ARFRP1: variants seen among roughly 807,000 people sequenced by gnomAD.
ARFRP1 encodes the protein ARF related protein 1, also known as ADP-ribosylation factor-related protein 1.
ARFRP1 carries 19 observed loss-of-function variants against 30.3 expected under a neutral mutation model. The ratio of observed to expected loss-of-function variants is 0.63; its 90% CI spans 0.44 to 0.92. The LOEUF is 0.92. ARFRP1 is among the 40% of genes least tolerant of loss of function. The pLI, the probability that ARFRP1 is intolerant of heterozygous loss-of-function variation, is 0.00. For synonymous variants in ARFRP1, 133 were observed against 114.2 expected (o/e 1.16, Z -1.05); for missense variants, 245 against 267.5 (o/e 0.92, Z 0.59).
chr20:63,707,109 A>T lies in ARFRP1; in HGVS notation c.-6-12T>A. The T allele has an allele frequency of 6.3e-7, 1 of 1,591,070 alleles. No homozygotes were observed. The highest frequency in any genetic ancestry group is 8.6e-7 in the Non-Finnish European group (1 of 1,169,046). ...GTGTACATCCTGCCCTGGGCACCCC[A>T]ACATAGGTCAGTGTGCAGCCAGAAA... On this transcript the variant is annotated splice_polypyrimidine_tract_variant and intron_variant, in intron 1 of 7. Transcript: ENST00000622789.
rs1276810358 is a variant in ARFRP1 at position 63,702,268 on chromosome 20, C to T, written c.265-51G>A. ...GCTCAGTCCCCACCCTGCCAAGGGC[C>T]AGCAGAGCCAGGCCTGTGTCATGGC... On this transcript the variant is annotated intron_variant, in intron 4 of 7. Coordinates refer to ENST00000622789, the MANE Select transcript of ARFRP1 (RefSeq NM_001267547.3). 31 of 1,540,678 alleles carry T rather than the reference C, an allele frequency of 2.0e-5. 1 individual carries two copies. The Admixed American group carries it at 4.9e-4, about 24-fold the overall frequency.
At chr20:63,706,924 G>T in intron 2 of ARFRP1, 75 bp downstream of exon 2, 4 of 1,549,194 alleles carry the variant, frequency 2.6e-6, no homozygotes, top group Non-Finnish European at 3.5e-6. Flanking sequence ...TAGTGAACGT[G>T]CAGCTGACAG....
In ARFRP1 at chr20:63,701,890, C is replaced by G. The variant is rs763284039; in HGVS notation, c.357G>C (p.Val119=). ...AESKQAFEKV[V]TSEALCGVPV... is the part of the protein sequence containing the mutation. ...GGACACCGCACAGCGCCTCGCTGGT[C>G]ACCACCTTCTCTGGGGAGGGCAGGA... Residue 119 remains valine, a synonymous_variant, in exon 6 of 8, where the codon GTG becomes GTC. Coordinates refer to ENST00000622789, the MANE Select transcript of ARFRP1 (RefSeq NM_001267547.3). 1.3e-6 allele frequency: 2 copies of G among 1,550,134 alleles called. No homozygotes were observed. Among genetic ancestry groups the G allele is most frequent in the South Asian group, 2.4e-5 (2 of 84,090 alleles).
intron 4 of ARFRP1, chr20:63,702,504 A>C: frequency 2.4e-6 from 1 of 419,918 alleles, no homozygotes; most frequent in Non-Finnish European, 4.4e-6. Context: ...TATTATCCCA[A>C]CACTTTGGGA....
At chr20:63,700,883 A>AGC in intron 6 of ARFRP1, 181 bp from the exon 7 acceptor site, 2 of 800,480 alleles carry the variant, frequency 2.5e-6, no homozygotes, top group Non-Finnish European at 3.9e-6. Flanking sequence ...CCCGAGGCTG[A>AGC]ACATGGCTGG....
chr20:63,703,532 CCACA>C (rs1194010386), intron 4 of ARFRP1: 3 of 152,406 alleles, frequency 2.0e-5, no homozygotes, highest in African/African-American at 4.8e-5. Context: ...CAGACAGGTC[CCACA>C]CAGAGGCCGC....
rs368206830 is a variant in ARFRP1, at chr20:63,701,819, G to A, written c.417+11C>T. On this transcript the variant is annotated intron_variant, in intron 6 of 7. Coordinates refer to ENST00000622789, the MANE Select transcript of ARFRP1 (RefSeq NM_001267547.3). ...CGGGAAGCTGCTGCGGGAGGCAGGG[G>A]TGGGGCTCACCTCCACATCCTGCTT... 3.4e-4 allele frequency: 529 copies of A among 1,549,746 alleles called. 3 individuals are homozygous for A. The highest frequency in any genetic ancestry group is 5.8e-5 in the Non-Finnish European group (67 of 1,146,762).
chr20:63,707,150 C>T (rs1371266947), intron 1 of ARFRP1, 53 bp from the exon 2 acceptor site: 19 of 1,497,718 alleles, frequency 1.3e-5, no homozygotes, highest in Non-Finnish European at 8.2e-6. Context: ...TCCCCTCCCC[C>T]GGGCTTCTCC....
rs370693784 is a variant in ARFRP1 at position 63,706,438 on chromosome 20, G to A, written c.183C>T (p.Ile61=). ...SKITTTVGLN[I]GTVDVGKARL... is the part of the protein sequence containing the mutation. ...GAGCCTTTCCCACATCCACAGTGCC[G>A]ACTGGGGAGAGGAGGAAACAGGCAA... Residue 61 remains isoleucine, a splice_region_variant and synonymous_variant, in exon 4 of 8, where the codon ATC becomes ATT. Coordinates refer to ENST00000622789, the MANE Select transcript of ARFRP1 (RefSeq NM_001267547.3). The A allele has an allele frequency of 1.5e-5, 25 of 1,613,048 alleles. No individual in the cohort carries two copies. The South Asian group carries it at 2.1e-4, about 13-fold the overall frequency.
chr20:63,705,494 G>C (rs1039337600), intron 4 of ARFRP1: 19 of 429,976 alleles, frequency 4.4e-5, no homozygotes, highest in Non-Finnish European at 7.4e-5. Context: ...TGCAGCCTTG[G>C]GGGTGTGGGG....
chr20:63,706,924 G>A, intron 2 of ARFRP1, 75 bp downstream of exon 2: 2 of 1,549,196 alleles, frequency 1.3e-6, no homozygotes, highest in Non-Finnish European at 1.8e-6. Flanking sequence ...TAGTGAACGT[G>A]CAGCTGACAG....
At position 63,700,380 on chromosome 20, in the gene ARFRP1, C is replaced by A; in HGVS notation, c.*63G>T. 1 of 1,595,330 alleles carries A rather than the reference C, an allele frequency of 6.3e-7. No individual in the cohort carries two copies. The highest frequency in any genetic ancestry group is 1.1e-5 in the South Asian group (1 of 90,466). ...ACCCCCCAGATCAGCAGCATGGGAG[C>A]CAACAGGAGGCCACTCCTCCAGCAC... On this transcript the variant is annotated 3_prime_UTR_variant, in exon 8 of 8. Coordinates refer to ENST00000622789, the MANE Select transcript of ARFRP1 (RefSeq NM_001267547.3).
intron 4 of ARFRP1, chr20:63,705,850 G>A: frequency 4.2e-6 from 2 of 470,884 alleles, no homozygotes; most frequent in South Asian, 3.2e-5. Flanking sequence ...TTGCCCTTAG[G>A]CTCAAACCCA....
chr20:63,700,439 G>A lies in ARFRP1; in HGVS notation c.*4C>T. On this transcript the variant is annotated 3_prime_UTR_variant, in exon 8 of 8. Coordinates refer to ENST00000622789, the MANE Select transcript of ARFRP1 (RefSeq NM_001267547.3). ...CAGCCGTCCCGACGGCAGCGCGGCT[G>A]CGCCTACGTGATGTCCCTCTGCCGC... 6.2e-7 allele frequency: 1 copy of A among 1,607,846 alleles called. No individual in the cohort carries two copies. Among genetic ancestry groups the A allele is most frequent in the Non-Finnish European group, 8.5e-7 (1 of 1,179,750 alleles).
rs1052304104 is a variant in ARFRP1, at chr20:63,700,024, T to C, written c.*419A>G. ...ACGGGGTCACAGGGCAGAAGCCAGATGGCAGCCATGGCTGACGGGCCTCCT... is the reference window on the plus strand; with the variant it reads ...ACGGGGTCACAGGGCAGAAGCCAGACGGCAGCCATGGCTGACGGGCCTCCT... On this transcript the variant is annotated 3_prime_UTR_variant, in exon 8 of 8. Coordinates refer to ENST00000622789, the MANE Select transcript of ARFRP1 (RefSeq NM_001267547.3). 7 of 256,992 alleles carry C rather than the reference T, an allele frequency of 2.7e-5. No individual in the cohort carries two copies. Among genetic ancestry groups the C allele is most frequent in the African/African-American group, 1.1e-4 (5 of 44,782 alleles). The allele number at this position is 256,992 out of a possible 1,614,324, so 15.9% of individuals were successfully genotyped here. A position where few individuals can be genotyped will look rare whatever the true frequency, so the allele number is the denominator to read the frequency against.
chr20:63,702,290 T>C (rs1601248479), intron 4 of ARFRP1, 73 bp from the exon 5 acceptor site: 4 of 1,421,420 alleles, frequency 2.8e-6, no homozygotes, highest in East Asian at 4.6e-5. Context: ...GCCTGTGTCA[T>C]GGCCACAGTG....
At chr20:63,701,255 C>T (rs754214921) in intron 6 of ARFRP1, 1 of 527,344 alleles carries the variant, frequency 1.9e-6, no homozygotes, top group Non-Finnish European at 3.9e-6. Context: ...GGCAACAGAG[C>T]CACCCCAGAG....
intron 7 of ARFRP1, 34 bp from the exon 8 acceptor site, chr20:63,700,564 C>T (rs371879239): frequency 4.2e-5 from 68 of 1,610,288 alleles, no homozygotes; most frequent in South Asian, 1.3e-4. Flanking sequence ...CGGGGGGTCT[C>T]GGTCCCCAAA....
At chr20:63,705,044 C>T (rs1378675744) in intron 4 of ARFRP1, 1 of 152,618 alleles carries the variant, frequency 6.6e-6, no homozygotes, top group Non-Finnish European at 1.5e-5. Flanking sequence ...GGTGCCGACC[C>T]CCAGTGTGCA....
Sources: gnomAD v4.1 joint callset for allele counts on GRCh38, gnomAD v4.1.1 for gene constraint, MANE v1.5 for transcripts, NCBI Gene and HGNC (gene_info 2026-07-23, HGNC 2026-07-21) for gene names.